The following DYNC2H1 variants were observed in gnomAD, a reference collection of about 807,000 sequenced individuals.
DYNC2H1 encodes cytoplasmic dynein 2 heavy chain 1.
A neutral mutation model predicts 570.0 loss-of-function variants in DYNC2H1; 410 were observed. The ratio of observed to expected loss-of-function variants is 0.72; its 90% confidence interval spans 0.66 to 0.78. DYNC2H1 has a LOEUF of 0.78. Ranked by LOEUF, DYNC2H1 falls within the 30% of genes least tolerant of loss-of-function variation. The pLI is 0.00. For synonymous variants in DYNC2H1, 1,688 were observed against 1,677.6 expected (o/e 1.01, Z -0.15); for missense variants, 4,865 against 5,046.4 (o/e 0.96, Z 1.09).
At chr11:103,237,738 TAAAAA>T (rs11404563) in intron 63 of DYNC2H1, among the ~76,000 whole-genome samples, 2 of 147,920 alleles carry the variant, frequency 1.4e-5, no homozygotes. Flanking sequence ...GATTGCAAAT[TAAAAA>T]AAAAAGGTTT....
intron 83 of DYNC2H1, among the ~76,000 whole-genome samples, chr11:103,371,932 T>G (rs1288977276): frequency 5.3e-5 from 4 of 75,194 alleles, no homozygotes; most frequent in South Asian, 3.8e-4. Context: ...TTTGGGTTTT[T>G]TTTTTTTTTT....
rs1458352623 is a variant in DYNC2H1 at position 103,177,757 on chromosome 11, A to G, written c.6076A>G (p.Thr2026Ala). 6.2e-7 allele frequency: 1 copy of G among 1,613,332 alleles called. No individual in the cohort carries two copies. The highest frequency in any genetic ancestry group is 8.5e-7 in the Non-Finnish European group (1 of 1,179,616). Residue 2026 changes from threonine (T) to alanine (A), a missense_variant, in exon 38 of 89, where the codon ACA becomes GCA. Around this residue, in one of 5 missense-constraint regions of DYNC2H1, gnomAD observed 231 missense variants for 310.3 expected, o/e 0.74. Coordinates refer to ENST00000375735, the MANE Select transcript of DYNC2H1 (RefSeq NM_001377.3). This position sits in a 1 kb window ranked among gnomAD's most constrained non-coding sequence, Gnocchi z 4.4. ...YQLLGHIDMD[T>A]REWSDGVLTN... ...ATTATTAGGCCATATTGACATGGAC[A>G]CAAGAGAATGGTCTGATGGTGTTTT... is the stretch of plus-strand genomic sequence containing the variant.
chr11:103,431,233 A>AG (rs1309774495), intron 84 of DYNC2H1, among the ~76,000 whole-genome samples: 1 of 151,054 alleles, frequency 6.6e-6, no homozygotes, highest in Non-Finnish European at 1.5e-5. Context: ...AAAAAAAAAA[A>AG]CTAAAAAACT....
At chr11:103,459,298 G>C (rs1381187090) in intron 87 of DYNC2H1, among the ~76,000 whole-genome samples, 1 of 80,862 alleles carries the variant, frequency 1.2e-5, no homozygotes, top group Non-Finnish European at 2.2e-5. Flanking sequence ...GACAGAGCGA[G>C]ACTCCGTCTC....
In DYNC2H1 at chr11:103,199,475, A is replaced by G. The variant is rs1340430362; in HGVS notation, c.8087A>G (p.His2696Arg). 2 of 1,570,546 alleles carry G rather than the reference A, an allele frequency of 1.3e-6. No homozygotes were observed. Among genetic ancestry groups the G allele is most frequent in the Middle Eastern group, 1.7e-4 (1 of 5,844 alleles). Residue 2696 changes from histidine (H) to arginine (R), a missense_variant and splice_region_variant, in exon 49 of 89, where the codon CAT (histidine) becomes CGT (arginine). His to Arg is a conservative substitution (Grantham distance 29). Coordinates refer to ENST00000375735, the MANE Select transcript of DYNC2H1 (RefSeq NM_001377.3). This position sits in a 1 kb window ranked among gnomAD's most constrained non-coding sequence, Gnocchi z 4.6. ...AAGCAGTTCAAAAATGATCTCAAACATGTGAGTTGCCCACTCTCTTTTGCT... is the reference window on the plus strand; with the variant it reads ...AAGCAGTTCAAAAATGATCTCAAACGTGTGAGTTGCCCACTCTCTTTTGCT... ...ELKQFKNDLK[H>R]VLQLAGIEAQ...
At chr11:103,242,647 T>C (rs1230009948) in intron 63 of DYNC2H1, among the ~76,000 whole-genome samples, 1 of 152,206 alleles carries the variant, frequency 6.6e-6, no homozygotes, top group East Asian at 1.9e-4. Context: ...ATACATATGA[T>C]ATACATTTTA....
rs1353564937 is a variant in DYNC2H1, at chr11:103,156,547, G to A, written c.3904G>A (p.Val1302Ile). Reference sequence around the variant, plus strand: ...AGACTGGAAAGATATAGTAAATCAGGTTGGAGATAATAGATGCCTTCTCCA... The same window carrying A: ...AGACTGGAAAGATATAGTAAATCAGATTGGAGATAATAGATGCCTTCTCCA... The part of the protein sequence containing the change: ...IKDWKDIVNQ[V>I]GDNRCLLQSL... Residue 1302 changes from valine (V) to isoleucine (I), a missense_variant, in exon 26 of 89, where the codon GTT becomes ATT. Around this residue, in one of 5 missense-constraint regions of DYNC2H1, gnomAD observed 1,936 missense variants for 1,962.1 expected, o/e 0.99. Transcript: ENST00000375735. The A allele has an allele frequency of 1.2e-6, 2 of 1,613,694 alleles. No individual in the cohort carries two copies. The highest frequency in any genetic ancestry group is 1.7e-6 in the Non-Finnish European group (2 of 1,179,730).
At chr11:103,318,533 C>G (rs1273103208) in intron 80 of DYNC2H1, among the ~76,000 whole-genome samples, 1 of 152,140 alleles carries the variant, frequency 6.6e-6, no homozygotes, top group East Asian at 1.9e-4. Flanking sequence ...ATATGTATTT[C>G]TGTTGATGGA....
chr11:103,214,479 C>T lies in DYNC2H1; in HGVS notation c.8695-1242C>T, dbSNP rs118069839. 2.2e-5 allele frequency among the ~76,000 whole-genome samples: 3 copies of T among 134,266 alleles called. No homozygotes were observed. In the East Asian group the frequency reaches 6.5e-4, roughly 29 times the overall value. The allele number at this position is 134,266 out of a possible 152,430, so 88.1% of individuals were successfully genotyped here. The stretch of plus-strand genomic sequence containing the variant: ...TTTTTTTTTGAGTAGGAGTCTTGCT[C>T]TGTTGCCCAGGCTGGCATGTAATAG... On this transcript the variant is annotated intron_variant, in intron 54 of 88. Transcript: ENST00000375735.
intron 55 of DYNC2H1, among the ~76,000 whole-genome samples, chr11:103,219,245 G>A (rs1284091641): frequency 6.6e-6 from 1 of 152,076 alleles, no homozygotes; most frequent in Non-Finnish European, 1.5e-5. Flanking sequence ...AAAAAACTCA[G>A]AATGACAAAT....
chr11:103,121,600 C>T (rs1858716881), intron 10 of DYNC2H1, 104 bp downstream of exon 10: 2 of 1,245,876 alleles, frequency 1.6e-6, no homozygotes, highest in Non-Finnish European at 2.2e-6. Context: ...CTCTGTTTTC[C>T]TTGGCATGTC....
Position 103,319,866 on chromosome 11 carries a change from G to A in DYNC2H1, c.11726-1163G>A, listed in dbSNP as rs1420570899. ...AGGACAACTAGAAATTTGAGTCCTG[G>A]TGAAGTCCTTTGTTTAGTCACTGTT... On this transcript the variant is annotated intron_variant, in intron 80 of 88. Transcript: ENST00000375735. This position sits in a 1 kb window ranked among gnomAD's most constrained non-coding sequence, Gnocchi z 4.3. Among the ~76,000 whole-genome samples the A allele has an allele frequency of 1.3e-5, 2 of 152,068 alleles. No individual in the cohort carries two copies. The highest frequency in any genetic ancestry group is 2.9e-5 in the Non-Finnish European group (2 of 67,994).
chr11:103,141,347 G>T (rs1273386819), intron 17 of DYNC2H1, among the ~76,000 whole-genome samples: 1 of 152,000 alleles, frequency 6.6e-6, no homozygotes, highest in Non-Finnish European at 1.5e-5. Context: ...TCTACTTTTG[G>T]TCTTCAATGA....
chr11:103,395,338 ATTTC>A lies in DYNC2H1; in HGVS notation c.12157-4322_12157-4319del, dbSNP rs766962338. Among the ~76,000 whole-genome samples, 144 of 151,838 alleles carry A rather than the reference ATTTC, an allele frequency of 9.5e-4. No homozygotes were observed. Among genetic ancestry groups the A allele is most frequent in the Non-Finnish European group, 1.4e-3 (95 of 67,958 alleles). ...CCCAGTGATTTCTATATACATATATATTTCTTATTATGTATTATGTATATCCTCA... is the reference window on the plus strand; with the variant it reads ...CCCAGTGATTTCTATATACATATATATTATTATGTATTATGTATATCCTCA... On this transcript the variant is annotated intron_variant, in intron 83 of 88. Coordinates refer to ENST00000375735, the MANE Select transcript of DYNC2H1 (RefSeq NM_001377.3). This position sits in a 1 kb window ranked among gnomAD's most constrained non-coding sequence, Gnocchi z 4.3.
At chr11:103,281,833 C>T (rs1355330114) in intron 71 of DYNC2H1, among the ~76,000 whole-genome samples, 1 of 151,846 alleles carries the variant, frequency 6.6e-6, no homozygotes, top group Non-Finnish European at 1.5e-5. Flanking sequence ...TTTGGGTGCA[C>T]CTTACTTCTA....
intron 83 of DYNC2H1, among the ~76,000 whole-genome samples, chr11:103,374,236 T>C (rs1050035924): frequency 3.9e-5 from 6 of 152,080 alleles, no homozygotes; most frequent in Non-Finnish European, 7.4e-5. Context: ...TGAGAGGTGA[T>C]TGAATCATGG....
intron 59 of DYNC2H1, among the ~76,000 whole-genome samples, chr11:103,223,464 C>G (rs924532191): frequency 6.6e-6 from 1 of 151,814 alleles, no homozygotes; most frequent in African/African-American, 2.4e-5. Context: ...CTCGGCTCAC[C>G]AAAACCTCCA....
Position 103,193,764 on chromosome 11 carries a change from TC to T in DYNC2H1, c.7708+1501del, listed in dbSNP as rs370591556. Among the ~76,000 whole-genome samples the T allele has an allele frequency of 5.4e-3, 826 of 152,180 alleles. 13 individuals carry two copies. Among genetic ancestry groups the T allele is most frequent in the African/African-American group, 0.016 (664 of 41,538 alleles). On this transcript the variant is annotated intron_variant, in intron 47 of 88. Coordinates refer to ENST00000375735, the MANE Select transcript of DYNC2H1 (RefSeq NM_001377.3). ...GGCTTCTCCATGTTGGTCAGGCTGG[TC>T]TCAAACTCCTGAACTCAGGTGATCT...
At chr11:103,429,352 G>T (rs1463121265) in intron 84 of DYNC2H1, among the ~76,000 whole-genome samples, 1 of 151,934 alleles carries the variant, frequency 6.6e-6, no homozygotes, top group East Asian at 1.9e-4. Flanking sequence ...ACATAAAATA[G>T]ATTCAAAAAA....
Sources: gnomAD v4.1 joint callset for allele counts (sites outside exome capture counted in the v4.1 genomes callset) on GRCh38, gnomAD v4.1.1 for gene constraint, gnomAD v4.1.1 regional missense constraint, Gnocchi (gnomAD v3.1) non-coding constraint, MANE v1.5 for transcripts, NCBI Gene and HGNC (gene_info 2026-07-23, HGNC 2026-07-21) for gene names.